The following DCC variants were observed in gnomAD, a reference collection of about 807,000 sequenced individuals.
DCC encodes netrin receptor DCC.
Under a neutral mutation model 172.5 loss-of-function variants are expected in DCC, and 58 were observed. The observed-to-expected ratio is 0.34, with a 90% CI of 0.27 to 0.42. The LOEUF is 0.42. Among genes scored for constraint, DCC ranks in the 10% least tolerant of loss-of-function variants. The pLI is 1.00. For synonymous variants in DCC, 709 were observed against 644.5 expected, an observed-to-expected ratio of 1.10 and a Z score of -1.52; for missense variants, 1,740 against 1,791.0, an observed-to-expected ratio of 0.97 and a Z score of 0.51.
chr18:52,853,690 C>T (rs2039010635), intron 2 of DCC, among the ~76,000 whole-genome samples: 1 of 152,204 alleles, frequency 6.6e-6, no homozygotes, highest in African/African-American at 2.4e-5. Flanking sequence ...GTCCTGGAAA[C>T]AGAGTGTCTG....
At chr18:52,884,246 T>G in intron 2 of DCC, among the ~76,000 whole-genome samples, 1 of 152,222 alleles carries the variant, frequency 6.6e-6, no homozygotes, top group South Asian at 2.1e-4. Context: ...TTTATCTAGG[T>G]TTTGGAACTT....
chr18:53,244,062 A>G (rs1382705050), intron 12 of DCC, among the ~76,000 whole-genome samples: 1 of 152,174 alleles, frequency 6.6e-6, no homozygotes, highest in Non-Finnish European at 1.5e-5. Flanking sequence ...ATTAGATATC[A>G]GGCTATTATA....
chr18:53,143,905 G>A (rs943274542), intron 7 of DCC, among the ~76,000 whole-genome samples: 11 of 152,206 alleles, frequency 7.2e-5, no homozygotes, highest in African/African-American at 2.7e-4. Flanking sequence ...TTCACACTTT[G>A]AAGGTGAAGG....
At chr18:53,046,292 A>G (rs1267449728) in intron 5 of DCC, among the ~76,000 whole-genome samples, 1 of 151,904 alleles carries the variant, frequency 6.6e-6, no homozygotes, top group Non-Finnish European at 1.5e-5. Flanking sequence ...TTTTCATGAG[A>G]TGGTAATGTT....
At chr18:53,117,682 A>T (rs550274934) in intron 7 of DCC, among the ~76,000 whole-genome samples, 8 of 127,018 alleles carry the variant, frequency 6.3e-5, no homozygotes, top group African/African-American at 2.1e-4. Flanking sequence ...AGGTCAGCAA[A>T]CTTTTTTTTG....
chr18:53,125,692 G>A (rs1046678460), intron 7 of DCC, among the ~76,000 whole-genome samples: 1 of 152,066 alleles, frequency 6.6e-6, no homozygotes, highest in African/African-American at 2.4e-5. Flanking sequence ...GGTTCCTGGA[G>A]CACCAGGCAT....
chr18:53,449,267 C>T (rs2045375986), intron 22 of DCC, among the ~76,000 whole-genome samples: 1 of 152,126 alleles, frequency 6.6e-6, no homozygotes, highest in Non-Finnish European at 1.5e-5. Context: ...TAATGACAAA[C>T]ATGACTGACA....
intron 1 of DCC, 43 bp from the exon 2 acceptor site, chr18:52,752,011 A>C (rs769911271): frequency 5.3e-5 from 81 of 1,535,940 alleles, no homozygotes; most frequent in African/African-American, 8.2e-5. Flanking sequence ...CCTGAGATTT[A>C]TTTGAATACA....
At chr18:52,864,087 A>G (rs1277632740) in intron 2 of DCC, among the ~76,000 whole-genome samples, 1 of 152,210 alleles carries the variant, frequency 6.6e-6, no homozygotes, top group Non-Finnish European at 1.5e-5. Context: ...TACAGACATA[A>G]AGATCTTATA....
At chr18:52,766,298 G>C (rs372038303) in intron 2 of DCC, among the ~76,000 whole-genome samples, 3 of 152,288 alleles carry the variant, frequency 2.0e-5, no homozygotes, top group African/African-American at 7.2e-5. Flanking sequence ...AGGCCCAGAG[G>C]GTGTGTTACA....
At chr18:53,044,458 G>A (rs1481650559) in intron 5 of DCC, among the ~76,000 whole-genome samples, 1 of 151,730 alleles carries the variant, frequency 6.6e-6, no homozygotes. Context: ...ACTGTGTGAT[G>A]CCGTAGAAAT....
chr18:52,523,437 TAAAC>T (rs2031883752), intron 1 of DCC, among the ~76,000 whole-genome samples: 1 of 152,182 alleles, frequency 6.6e-6, no homozygotes, highest in Admixed American at 6.5e-5. Context: ...TTCAAAGAAA[TAAAC>T]AAACTTGTTT....
chr18:53,127,624 G>C (rs1452019763), intron 7 of DCC, among the ~76,000 whole-genome samples: 3 of 152,090 alleles, frequency 2.0e-5, no homozygotes, highest in African/African-American at 7.2e-5. Flanking sequence ...TAAAATGTAT[G>C]ACTTTGAACA....
At chr18:52,670,297 A>G (rs2035528561) in intron 1 of DCC, among the ~76,000 whole-genome samples, 2 of 152,172 alleles carry the variant, frequency 1.3e-5, no homozygotes, top group African/African-American at 4.8e-5. Flanking sequence ...AGAATACAGG[A>G]AGGATGTGGA....
chr18:53,226,399 GT>G (rs1405430606), intron 12 of DCC, among the ~76,000 whole-genome samples: 1 of 152,022 alleles, frequency 6.6e-6, no homozygotes, highest in Non-Finnish European at 1.5e-5. Context: ...TGACTTTTCG[GT>G]TTTTTTCCTG....
Position 52,467,037 on chromosome 18 carries a change from GT to G in DCC, c.91+126166del, listed in dbSNP as rs140126474. On this transcript the variant is annotated intron_variant, in intron 1 of 28. Coordinates refer to ENST00000442544, the MANE Select transcript of DCC (RefSeq NM_005215.4). ...TGTGGTTCTTCTTGCTGTAAAAGTG[GT>G]TTTTTTAAAAAAAAAATATATATAT... 1.9e-4 allele frequency among the ~76,000 whole-genome samples: 24 copies of G among 127,782 alleles called. 1 individual carries two copies. The highest frequency in any genetic ancestry group is 5.0e-4 in the South Asian group (2 of 4,006). The allele number at this position is 127,782 out of a possible 152,430, so 83.8% of individuals were successfully genotyped here.
chr18:52,496,544 A>G (rs545737809), intron 1 of DCC, among the ~76,000 whole-genome samples: 1 of 152,238 alleles, frequency 6.6e-6, no homozygotes, highest in African/African-American at 2.4e-5. Context: ...AGACAGTTGC[A>G]CATTTGTAGT....
chr18:53,447,748 T>C (rs1359648978), intron 22 of DCC, among the ~76,000 whole-genome samples: 1 of 152,190 alleles, frequency 6.6e-6, no homozygotes, highest in East Asian at 1.9e-4. Context: ...TCTATTAACT[T>C]ATTAAGTACA....
intron 1 of DCC, among the ~76,000 whole-genome samples, chr18:52,733,712 T>A (rs2036681644): frequency 6.6e-6 from 1 of 151,958 alleles, no homozygotes; most frequent in Non-Finnish European, 1.5e-5. Context: ...CCTAGGGTGG[T>A]CTCAAACTCC....
Sources: allele counts gnomAD v4.1 joint callset (sites outside exome capture counted in the v4.1 genomes callset), GRCh38; gene constraint gnomAD v4.1.1; transcripts MANE v1.5; gene names NCBI Gene and HGNC (gene_info 2026-07-23, HGNC 2026-07-21).